Variants in PCGF2 observed in about 807,000 individuals in gnomAD.
PCGF2 encodes polycomb group ring finger 2.
PCGF2 carries 8 observed loss-of-function variants against 36.1 expected under a neutral mutation model. The observed-to-expected ratio is 0.22, with a 90% confidence interval of 0.13 to 0.40. The LOEUF (loss-of-function observed/expected upper bound fraction) is 0.40, where lower values mean the gene tolerates loss of function less well. Among genes scored for constraint, PCGF2 ranks in the 10% least tolerant of loss-of-function variants. PCGF2 has a pLI of 1.00. For missense variants in PCGF2, 436 were observed against 475.9 expected (o/e 0.92, Z 0.78); for synonymous variants, 198 against 191.2 (o/e 1.04, Z -0.29).
chr17:38,745,379 G>A (rs1278497633), intron 2 of PCGF2, among the ~76,000 whole-genome samples: 2 of 152,032 alleles, frequency 1.3e-5, no homozygotes, highest in African/African-American at 2.4e-5. Flanking sequence ...GGTGGCAGGC[G>A]CCTGTAATCC....
chr17:38,735,725 T>G (rs1906659241), intron 10 of PCGF2, 125 bp from the exon 11 acceptor site: 1 of 1,288,418 alleles, frequency 7.8e-7, no homozygotes, highest in Non-Finnish European at 1.0e-6. Context: ...GGATGGGGCC[T>G]TGGAGAGGAG....
chr17:38,743,274 T>A (rs1178818860), intron 2 of PCGF2, among the ~76,000 whole-genome samples: 1 of 137,036 alleles, frequency 7.3e-6, no homozygotes, highest in Non-Finnish European at 1.6e-5. Context: ...TTTTTTTTTT[T>A]AAACAGAGAT....
In PCGF2 at chr17:38,736,169, A is replaced by T; in HGVS notation, c.578T>A (p.Val193Glu). The T allele has an allele frequency of 6.4e-7, 1 of 1,564,208 alleles. No homozygotes were observed. The highest frequency in any genetic ancestry group is 8.7e-7 in the Non-Finnish European group (1 of 1,152,880). ...NKMDVPSKYK[V>E]EVLYEDEPLK... The stretch of plus-strand genomic sequence containing the variant: ...TGGCTCGTCCTCGTACAGAACCTCC[A>T]CCTGGGGGAGGGAAGCGGAGGACAC... Residue 193 changes from valine to glutamate, a missense_variant and splice_region_variant, in exon 10 of 11, where the codon GTG becomes GAG. Val to Glu is a moderately radical substitution (Grantham distance 121). Transcript: ENST00000620225.
chr17:38,748,934 C>T (rs568342883), upstream of PCGF2, among the ~76,000 whole-genome samples: 24 of 152,170 alleles, frequency 1.6e-4, no homozygotes, highest in Non-Finnish European at 2.6e-4. Context: ...GGCGCTGGCC[C>T]CGAAAAGCGG....
chr17:38,741,179 C>T (rs1598018530), intron 2 of PCGF2, among the ~76,000 whole-genome samples: 1 of 151,204 alleles, frequency 6.6e-6, no homozygotes, highest in Non-Finnish European at 1.5e-5. Flanking sequence ...TCCTGCCTCA[C>T]GTGATCCCTT....
chr17:38,736,165 C>T lies in PCGF2; in HGVS notation c.582G>A (p.Glu194=), dbSNP rs1359957775. 4.5e-6 allele frequency: 7 copies of T among 1,570,472 alleles called. No homozygotes were observed. The highest frequency in any genetic ancestry group is 1.3e-5 in the African/African-American group (1 of 74,138). Residue 194 remains glutamate (E), a synonymous_variant, in exon 10 of 11, where the codon GAG becomes GAA. Coordinates refer to ENST00000620225, the MANE Select transcript of PCGF2 (RefSeq NM_007144.3). ...TCAGTGGCTCGTCCTCGTACAGAAC[C>T]TCCACCTGGGGGAGGGAAGCGGAGG... ...KMDVPSKYKV[E]VLYEDEPLKE...
At chr17:38,749,235 A>C (rs1010408802), upstream of PCGF2, 12 of 179,644 alleles carry the variant, frequency 6.7e-5, no homozygotes, top group South Asian at 2.3e-4. The surrounding 1 kb of genome is among the most constrained non-coding windows in gnomAD (Gnocchi z 6.5). Flanking sequence ...CCTGGCGCTG[A>C]TTCCCGCATT....
At chr17:38,740,208 G>T in intron 3 of PCGF2, 83 bp downstream of exon 3, 3 of 1,259,332 alleles carry the variant, frequency 2.4e-6, no homozygotes, top group South Asian at 1.2e-5. Flanking sequence ...AAGGGTTTGC[G>T]TGCTACCTTC....
At position 38,748,223 on chromosome 17, in the gene PCGF2, G is replaced by A. The variant is rs1380436931; in HGVS notation, c.-161C>T. On this transcript the variant is annotated 5_prime_UTR_variant, in exon 1 of 11. Coordinates refer to ENST00000620225, the MANE Select transcript of PCGF2 (RefSeq NM_007144.3). ...GGGTTCGGGGTCCGGTGGGTCTCGG[G>A]GAGGGGGGGATGGGAGGGAGGGAGG... is the stretch of plus-strand genomic sequence containing the variant. 1.3e-5 allele frequency: 2 copies of A among 149,062 alleles called. No homozygotes were observed. The highest frequency in any genetic ancestry group is 6.6e-5 in the Admixed American group (1 of 15,052). The allele number at this position is 149,062 out of a possible 1,614,324, so 9.2% of individuals were successfully genotyped here.
At chr17:38,745,313 C>T (rs766589161) in intron 2 of PCGF2, among the ~76,000 whole-genome samples, 3 of 152,142 alleles carry the variant, frequency 2.0e-5, no homozygotes, top group Non-Finnish European at 4.4e-5. Flanking sequence ...GCCTGGGCAA[C>T]AGAGCGAGAC....
chr17:38,749,169 A>C (rs1272930701), upstream of PCGF2, among the ~76,000 whole-genome samples: 2 of 152,224 alleles, frequency 1.3e-5, no homozygotes, highest in Admixed American at 6.5e-5. The surrounding 1 kb of genome is among the most constrained non-coding windows in gnomAD (Gnocchi z 6.5). Context: ...GAGCGGCCAC[A>C]CTGGACTAGG....
At chr17:38,735,713 T>C (rs1906657474) in intron 10 of PCGF2, 113 bp from the exon 11 acceptor site, 24 of 1,358,500 alleles carry the variant, frequency 1.8e-5, no homozygotes, top group East Asian at 2.5e-5. Context: ...AAAAAAGGGA[T>C]GGGATGGGGC....
In PCGF2 at chr17:38,734,280, CTGTT is replaced by C. The variant is rs775732069; in HGVS notation, c.*939_*942del. ...TGGGGGTGGAGGGGCAATTGGAAGG[CTGTT>C]TGCCTCTGGCAAAGTCTGGGATCTG... On this transcript the variant is annotated 3_prime_UTR_variant, in exon 11 of 11. Transcript: ENST00000620225. The C allele has an allele frequency of 4.6e-5, 7 of 152,692 alleles. No individual in the cohort carries two copies. Among genetic ancestry groups the C allele is most frequent in the Non-Finnish European group, 8.8e-5 (6 of 68,210 alleles). The allele number at this position is 152,692 out of a possible 1,614,324, so 9.5% of individuals were successfully genotyped here. A position where few individuals can be genotyped will look rare whatever the true frequency, so the allele number is the denominator to read the frequency against.
At chr17:38,743,234 G>A (rs1463916840) in intron 2 of PCGF2, among the ~76,000 whole-genome samples, 9 of 151,538 alleles carry the variant, frequency 5.9e-5, no homozygotes, top group Non-Finnish European at 2.9e-5. Flanking sequence ...GGAATCACAG[G>A]TGCATGCCAC....
Position 38,738,541 on chromosome 17 carries a change from T to C in PCGF2, c.480A>G (p.Lys160=), listed in dbSNP as rs1906941899. Residue 160 remains lysine (K), a splice_region_variant and synonymous_variant, in exon 8 of 11, where the codon AAA becomes AAG. Coordinates refer to ENST00000620225, the MANE Select transcript of PCGF2 (RefSeq NM_007144.3). ...PLENGDGDKE[K]TGVRFLRCPA... is the part of the protein sequence containing the mutation. ...GTCCTGGGCAGGCCCCAGCACTCAC[T>C]TTCTCTTTGTCCCCATCCCCATTCT... 1 of 1,604,062 alleles carries C rather than the reference T, an allele frequency of 6.2e-7. No individual in the cohort carries two copies.
Position 38,738,835 on chromosome 17 carries a change from C to T in PCGF2, c.343G>A (p.Gly115Ser), listed in dbSNP as rs778419447. The change falls in exon 7 of 11, where the codon GGC (glycine) becomes AGC (serine). Residue 115 changes from glycine to serine, a missense_variant. Transcript: ENST00000620225. ...CCCTTCTCCTGCTCCAAGACCTCGC[C>T]GCGGTCCTCATTGGAGCCGTTGGGG... The part of the protein sequence containing the change: ...EVPNGSNEDR[G>S]EVLEQEKGAL... 14 of 1,614,000 alleles carry T rather than the reference C, an allele frequency of 8.7e-6. No individual in the cohort carries two copies. Among genetic ancestry groups the T allele is most frequent in the Admixed American group, 1.7e-5 (1 of 60,016 alleles).
At position 38,738,804 on chromosome 17, in the gene PCGF2, A is replaced by G; in HGVS notation, c.374T>C (p.Leu125Pro). 2 of 1,614,116 alleles carry G rather than the reference A, an allele frequency of 1.2e-6. No homozygotes were observed. Among genetic ancestry groups the G allele is most frequent in the Non-Finnish European group, 1.7e-6 (2 of 1,179,986 alleles). Residue 125 changes from leucine to proline, a missense_variant, in exon 7 of 11, where the codon CTG becomes CCG. By Grantham distance (98) the Leu-to-Pro change is moderately conservative (BLOSUM62 -3). Around this residue, in one of 3 missense-constraint regions of PCGF2, gnomAD observed 189 missense variants for 219.3 expected, o/e 0.86. Transcript: ENST00000620225. ...GAGGCTGACAATCTCATCATCACTC[A>G]GAGCCCCCTTCTCCTGCTCCAAGAC... is the stretch of plus-strand genomic sequence containing the variant. The part of the protein sequence containing the change: ...GEVLEQEKGA[L>P]SDDEIVSLSI...
At chr17:38,738,003 G>A (rs551502160) in intron 9 of PCGF2, among the ~76,000 whole-genome samples, 97 of 151,658 alleles carry the variant, frequency 6.4e-4, no homozygotes, top group African/African-American at 2.2e-3. Flanking sequence ...ATACATTCAA[G>A]CTTGAAAAGC....
At position 38,735,190 on chromosome 17, in the gene PCGF2, G is replaced by T. The variant is rs376471012; in HGVS notation, c.*33C>A. 7.4e-7 allele frequency: 1 copy of T among 1,355,872 alleles called. No individual in the cohort carries two copies. The highest frequency in any genetic ancestry group is 1.9e-5 in the South Asian group (1 of 52,714). The allele number at this position is 1,355,872 out of a possible 1,614,324, so 84.0% of individuals were successfully genotyped here. A position where few individuals can be genotyped will look rare whatever the true frequency, so the allele number is the denominator to read the frequency against. ...CAGAAAAAGTGGAAGGAGTGGAGAG[G>T]CTTGGCTGGAAGAAGGGAGAGGGTC... On this transcript the variant is annotated 3_prime_UTR_variant, in exon 11 of 11. Transcript: ENST00000620225.
Sources: gnomAD v4.1 joint callset for allele counts (sites outside exome capture counted in the v4.1 genomes callset) on GRCh38, gnomAD v4.1.1 for gene constraint, gnomAD v4.1.1 regional missense constraint, Gnocchi (gnomAD v3.1) non-coding constraint, MANE v1.5 for transcripts, NCBI Gene and HGNC (gene_info 2026-07-23, HGNC 2026-07-21) for gene names.